Variants in LIPH observed in about 807,000 individuals in gnomAD.
The protein encoded by LIPH is lipase member H.
LIPH carries 32 observed loss-of-function variants against 47.6 expected under a neutral mutation model. That is an observed-to-expected ratio of 0.67 (90% confidence interval 0.51 to 0.90). The LOEUF (loss-of-function observed/expected upper bound fraction) is 0.90, where lower values mean the gene tolerates loss of function less well. LIPH is among the 40% of genes least tolerant of loss of function. The pLI, the probability that LIPH is intolerant of heterozygous loss-of-function variation, is 0.00. For missense variants in LIPH, 497 were observed against 541.4 expected (o/e 0.92, Z 0.81); for synonymous variants, 190 against 195.6 (o/e 0.97, Z 0.24).
chr3:185,547,826 CAAA>C (rs548499364), intron 1 of LIPH, among the ~76,000 whole-genome samples: 3 of 113,562 alleles, frequency 2.6e-5, no homozygotes, highest in African/African-American at 3.3e-5. Context: ...ACTCCATCTC[CAAA>C]AAAAAAAAAA....
chr3:185,534,804 T>C lies in LIPH; in HGVS notation c.378A>G (p.Lys126=). 6.2e-7 allele frequency: 1 copy of C among 1,613,464 alleles called. No individual in the cohort carries two copies. Among genetic ancestry groups the C allele is most frequent in the East Asian group, 2.2e-5 (1 of 44,884 alleles). Residue 126 remains lysine, a synonymous_variant, in exon 2 of 10, where the codon AAA becomes AAG. Coordinates refer to ENST00000296252, the MANE Select transcript of LIPH (RefSeq NM_139248.3). Reference sequence around the variant, plus strand: ...TAAATTCCTTCAAGACCATGGCTACTTTTCTGGTCTTACTAGAGGCATGGG... The same window carrying C: ...TAAATTCCTTCAAGACCATGGCTACCTTTCTGGTCTTACTAGAGGCATGGG... ...IYTHASSKTR[K]VAMVLKEFID...
At chr3:185,529,659 G>A (rs1179777042) in intron 3 of LIPH, among the ~76,000 whole-genome samples, 1 of 151,426 alleles carries the variant, frequency 6.6e-6, no homozygotes, top group Middle Eastern at 3.2e-3. Context: ...GGAGGCCAGG[G>A]CGGGAGGATT....
chr3:185,549,165 T>C (rs993143523), intron 1 of LIPH, among the ~76,000 whole-genome samples: 22 of 152,164 alleles, frequency 1.4e-4, no homozygotes, highest in Non-Finnish European at 2.6e-4. Context: ...GTTTCTTTTT[T>C]ACCCTGGGCG....
At chr3:185,542,601 G>A (rs1206766840) in intron 1 of LIPH, among the ~76,000 whole-genome samples, 2 of 152,112 alleles carry the variant, frequency 1.3e-5, no homozygotes, top group Admixed American at 1.3e-4. Flanking sequence ...ACAGGCGTAA[G>A]CCACCACACC....
Position 185,511,531 on chromosome 3 carries a change from G to A in LIPH, c.1261C>T (p.Pro421Ser). 1 of 1,614,116 alleles carries A rather than the reference G, an allele frequency of 6.2e-7. No homozygotes were observed. The highest frequency in any genetic ancestry group is 1.1e-5 in the South Asian group (1 of 91,080). The change falls in exon 9 of 10, where the codon CCG (proline) becomes TCG (serine). Residue 421 changes from proline (P) to serine (S), a missense_variant. Pro to Ser is a moderately conservative substitution (Grantham distance 74). Coordinates refer to ENST00000296252, the MANE Select transcript of LIPH (RefSeq NM_139248.3). Reference sequence around the variant, plus strand: ...ACCGTACCCTCAGCTCACCTCTCCGGATGGGCAAGGGACCTTAACTTCATT... The same window carrying A: ...ACCGTACCCTCAGCTCACCTCTCCGAATGGGCAAGGGACCTTAACTTCATT... ...LRMKLRSLAH[P>S]ERPQLCRYDL...
chr3:185,522,650 A>AAGAAAAAGAAAG (rs1235808164), intron 5 of LIPH, among the ~76,000 whole-genome samples: 2 of 141,894 alleles, frequency 1.4e-5, no homozygotes, highest in African/African-American at 5.2e-5. Context: ...GAGAGAAAGA[A>AAGAAAAAGAAAG]AAAGAAAGAA....
rs1261359585 is a variant in LIPH at position 185,538,748 on chromosome 3, CATATATATACAT to C, written c.50-3628_50-3617del. ...ATGTACATATATATACATATATGTACATATATATACATATATATGTACATATATACACACATA... is the reference window on the plus strand; with the variant it reads ...ATGTACATATATATACATATATGTACATATATGTACATATATACACACATA... On this transcript the variant is annotated intron_variant, in intron 1 of 9. Transcript: ENST00000296252. Among the ~76,000 whole-genome samples, 608 of 140,046 alleles carry C rather than the reference CATATATATACAT, an allele frequency of 4.3e-3. 15 individuals are homozygous for C. Among genetic ancestry groups the C allele is most frequent in the African/African-American group, 0.016 (587 of 37,134 alleles). 91.9% of individuals were successfully genotyped at this position (140,046 alleles called of 152,430 possible).
chr3:185,532,752 T>C (rs1720373290), intron 3 of LIPH, among the ~76,000 whole-genome samples: 1 of 152,072 alleles, frequency 6.6e-6, no homozygotes, highest in Non-Finnish European at 1.5e-5. Flanking sequence ...ATTGCACCAC[T>C]GCACTCCAGC....
rs560130823 is a variant in LIPH at position 185,517,402 on chromosome 3, A to G, written c.887-240T>C. ...TTTTCCCCCTTTACTGGTTCTCAGTAGCAGGGTGGAGAGGTGTGGGGTGTG... is the reference window on the plus strand; with the variant it reads ...TTTTCCCCCTTTACTGGTTCTCAGTGGCAGGGTGGAGAGGTGTGGGGTGTG... On this transcript the variant is annotated intron_variant, in intron 6 of 9. Transcript: ENST00000296252. 7.2e-5 allele frequency among the ~76,000 whole-genome samples: 11 copies of G among 152,326 alleles called. No homozygotes were observed. In the South Asian group the frequency reaches 2.3e-3, roughly 32 times the overall value.
intron 1 of LIPH, among the ~76,000 whole-genome samples, chr3:185,543,846 CTTTTTT>C (rs57080060): frequency 3.7e-5 from 4 of 108,730 alleles, no homozygotes; most frequent in Admixed American, 1.0e-4. Context: ...CTGGCTCTTG[CTTTTTT>C]TTTTTTTTTT....
chr3:185,552,085 A>G (rs1234315620), intron 1 of LIPH, among the ~76,000 whole-genome samples: 1 of 152,102 alleles, frequency 6.6e-6, no homozygotes, highest in Non-Finnish European at 1.5e-5. Flanking sequence ...AGAACTAGAA[A>G]GGCACAGATA....
Position 185,508,684 on chromosome 3 carries a change from T to G in LIPH, c.*106A>C. 1.2e-6 allele frequency: 1 copy of G among 845,478 alleles called. No homozygotes were observed. The highest frequency in any genetic ancestry group is 2.0e-6 in the Non-Finnish European group (1 of 492,842). The allele number at this position is 845,478 out of a possible 1,614,324, so 52.4% of individuals were successfully genotyped here. ...GGACGCTACTGAAAAAAGCCTTGGT[T>G]TTTTTCATACTTTTTCTGCCTTGCA... is the stretch of plus-strand genomic sequence containing the variant. On this transcript the variant is annotated 3_prime_UTR_variant, in exon 10 of 10. Transcript: ENST00000296252.
Position 185,544,344 on chromosome 3 carries a change from T to TTTTG in LIPH, c.49+8078_49+8079insCAAA, listed in dbSNP as rs1553826310. On this transcript the variant is annotated intron_variant, in intron 1 of 9. Transcript: ENST00000296252. ...ATGGAGAATTTTCCTCTGTTGTTTT[T>TTTTG]TTTTGTTTTGTTTTGTTTTGTTTTT... Among the ~76,000 whole-genome samples the TTTTG allele has an allele frequency of 4.7e-4, 71 of 151,820 alleles. No individual in the cohort carries two copies. The East Asian group carries it at 7.5e-3, about 16-fold the overall frequency.
At chr3:185,510,671 G>C (rs527449692) in intron 9 of LIPH, among the ~76,000 whole-genome samples, 1 of 152,254 alleles carries the variant, frequency 6.6e-6, no homozygotes, top group East Asian at 1.9e-4. Flanking sequence ...CTTGAGGCCA[G>C]GAGTTCAAGA....
At chr3:185,527,640 G>A (rs1009548050) in intron 3 of LIPH, 55 bp from the exon 4 acceptor site, 3 of 1,165,212 alleles carry the variant, frequency 2.6e-6, no homozygotes, top group Admixed American at 1.7e-5. Context: ...ACCTGCAGCC[G>A]GGCCTTTGAT....
chr3:185,512,153 C>T (rs1289921943), intron 8 of LIPH, among the ~76,000 whole-genome samples: 2 of 152,150 alleles, frequency 1.3e-5, no homozygotes, highest in Non-Finnish European at 2.9e-5. Flanking sequence ...GAGATTCCAA[C>T]CCAGTTCTGG....
chr3:185,515,876 A>G lies in LIPH; in HGVS notation c.982+1191T>C, dbSNP rs78127176. ...TTGCTCACACCTGGCATGGAAGTTC[A>G]CACCTGTAATCCCAGCACTAAGGCA... On this transcript the variant is annotated intron_variant, in intron 7 of 9. Transcript: ENST00000296252. Among the ~76,000 whole-genome samples the G allele has an allele frequency of 2.4e-3, 369 of 152,256 alleles. 1 individual carries two copies. Among genetic ancestry groups the G allele is most frequent in the African/African-American group, 8.4e-3 (350 of 41,550 alleles).
chr3:185,515,215 T>G (rs1406605491), intron 7 of LIPH, among the ~76,000 whole-genome samples: 1 of 151,846 alleles, frequency 6.6e-6, no homozygotes, highest in Non-Finnish European at 1.5e-5. Context: ...AAAGTGGCAT[T>G]CCCTAACCAG....
chr3:185,514,808 G>A (rs1719676011), intron 7 of LIPH, among the ~76,000 whole-genome samples: 1 of 152,184 alleles, frequency 6.6e-6, no homozygotes, highest in African/African-American at 2.4e-5. Context: ...TTATGGCTGA[G>A]TGTGGTTCAC....
Sources: gnomAD v4.1 joint callset for allele counts (sites outside exome capture counted in the v4.1 genomes callset) on GRCh38, gnomAD v4.1.1 for gene constraint, MANE v1.5 for transcripts, NCBI Gene and HGNC (gene_info 2026-07-23, HGNC 2026-07-21) for gene names.